The following CHST11 variants were observed in gnomAD, a reference collection of about 807,000 sequenced individuals.
CHST11 encodes the protein carbohydrate sulfotransferase 11.
Under a neutral mutation model 30.4 loss-of-function variants are expected in CHST11, and 9 were observed. The ratio of observed to expected loss-of-function variants is 0.30; its 90% confidence interval spans 0.18 to 0.52. CHST11 has a LOEUF of 0.52. Ranked by LOEUF, CHST11 falls within the 20% of genes least tolerant of loss-of-function variation. The pLI, the probability that CHST11 is intolerant of heterozygous loss-of-function variation, is 0.97. For missense variants in CHST11, 348 were observed against 460.6 expected (o/e 0.76, Z 2.24); for synonymous variants, 152 against 187.8 (o/e 0.81, Z 1.56).
chr12:104,615,018 C>G (rs950191908), intron 2 of CHST11, among the ~76,000 whole-genome samples: 7 of 152,188 alleles, frequency 4.6e-5, no homozygotes, highest in African/African-American at 1.7e-4. Context: ...CCCTGTATCT[C>G]TAGCTGATCC....
chr12:104,592,874 C>A (rs1393438108), intron 1 of CHST11, among the ~76,000 whole-genome samples: 1 of 152,170 alleles, frequency 6.6e-6, no homozygotes, highest in East Asian at 1.9e-4. Flanking sequence ...GGCCAGAATT[C>A]TCTAAAAGAG....
intron 1 of CHST11, among the ~76,000 whole-genome samples, chr12:104,520,290 T>G (rs2135987565): frequency 6.6e-6 from 1 of 152,294 alleles, no homozygotes; most frequent in East Asian, 1.9e-4. Context: ...ACATGCCACA[T>G]AAGCTAATGG....
chr12:104,556,980 CAAAAAAA>C (rs529711471), intron 1 of CHST11, among the ~76,000 whole-genome samples: 1 of 77,216 alleles, frequency 1.3e-5, no homozygotes, highest in Non-Finnish European at 2.7e-5. Context: ...GACTCTGTCT[CAAAAAAA>C]AAAAAAAAAA....
intron 1 of CHST11, among the ~76,000 whole-genome samples, chr12:104,480,812 G>A (rs546775989): frequency 6.6e-6 from 1 of 152,298 alleles, no homozygotes; most frequent in Non-Finnish European, 1.5e-5. Context: ...AGAGGGCATG[G>A]ATGGGCCTGC....
At chr12:104,752,505 CTTATTTATTTATTTAT>C (rs56136898) in intron 2 of CHST11, among the ~76,000 whole-genome samples, 50 of 149,558 alleles carry the variant, frequency 3.3e-4, no homozygotes, top group Admixed American at 2.7e-3. Flanking sequence ...AATTTATTTA[CTTATTTATTTATTTAT>C]TTATTTATTT....
chr12:104,510,629 G>C (rs2037955609), intron 1 of CHST11, among the ~76,000 whole-genome samples: 1 of 152,182 alleles, frequency 6.6e-6, no homozygotes, highest in Non-Finnish European at 1.5e-5. Context: ...GCTCCTCTTT[G>C]TGGAAACACT....
At chr12:104,685,604 T>C (rs1376788601) in intron 2 of CHST11, among the ~76,000 whole-genome samples, 1 of 152,226 alleles carries the variant, frequency 6.6e-6, no homozygotes, top group Non-Finnish European at 1.5e-5. Context: ...AGATGAACAC[T>C]TGCCTGTAGG....
intron 1 of CHST11, among the ~76,000 whole-genome samples, chr12:104,457,745 A>C (rs12299738): frequency 0.23 from 33,827 of 147,784 alleles, 5,496 homozygotes; most frequent in African/African-American, 0.47. Context: ...TCTTCTTCCT[A>C]CCGGCTCCGG....
chr12:104,602,150 T>TAGC (rs1249936760), intron 2 of CHST11, 159 bp downstream of exon 2: 4 of 613,434 alleles, frequency 6.5e-6, no homozygotes, highest in Non-Finnish European at 1.2e-5. Context: ...TTTTTCTATG[T>TAGC]AGCATCTCTG....
chr12:104,662,839 T>TATAA (rs1418736133), intron 2 of CHST11, among the ~76,000 whole-genome samples: 1 of 152,232 alleles, frequency 6.6e-6, no homozygotes, highest in African/African-American at 2.4e-5. Context: ...TTTTATAGCT[T>TATAA]CTTATTTTAA....
At chr12:104,659,754 C>T (rs1169454485) in intron 2 of CHST11, among the ~76,000 whole-genome samples, 2 of 152,180 alleles carry the variant, frequency 1.3e-5, no homozygotes, top group African/African-American at 2.4e-5. Flanking sequence ...TTGCTTGAGG[C>T]CAGAAGTTCG....
At chr12:104,567,482 C>T (rs953056425) in intron 1 of CHST11, among the ~76,000 whole-genome samples, 2 of 152,084 alleles carry the variant, frequency 1.3e-5, no homozygotes, top group Non-Finnish European at 2.9e-5. Flanking sequence ...CCTTTATTTC[C>T]TTTTGTCCTT....
At chr12:104,595,187 T>C (rs1000583027) in intron 1 of CHST11, among the ~76,000 whole-genome samples, 5 of 152,144 alleles carry the variant, frequency 3.3e-5, no homozygotes, top group African/African-American at 1.2e-4. Context: ...CCCACTGAGC[T>C]ACAGACTACC....
intron 1 of CHST11, among the ~76,000 whole-genome samples, chr12:104,482,217 C>T (rs77385502): frequency 0.12 from 17,700 of 151,324 alleles, 1,183 homozygotes; most frequent in East Asian, 0.29. Flanking sequence ...CTTCCTTTCG[C>T]CTTCCCCCAT....
At chr12:104,629,588 G>A (rs1240610568) in intron 2 of CHST11, among the ~76,000 whole-genome samples, 4 of 133,076 alleles carry the variant, frequency 3.0e-5, no homozygotes, top group Non-Finnish European at 5.1e-5. Flanking sequence ...TTGGGAGGCC[G>A]AGGCAGGCAG....
chr12:104,651,427 C>T (rs897615001), intron 2 of CHST11, among the ~76,000 whole-genome samples: 10 of 152,160 alleles, frequency 6.6e-5, no homozygotes, highest in Admixed American at 4.6e-4. Flanking sequence ...TCACTGCACA[C>T]CTCAACAGTG....
chr12:104,535,296 AG>A (rs1248555175), intron 1 of CHST11, among the ~76,000 whole-genome samples: 3 of 152,306 alleles, frequency 2.0e-5, no homozygotes, highest in East Asian at 3.9e-4. Flanking sequence ...TGAGACATTG[AG>A]GTCTGACGCT....
At chr12:104,704,284 G>A (rs544339051) in intron 2 of CHST11, among the ~76,000 whole-genome samples, 1 of 152,340 alleles carries the variant, frequency 6.6e-6, no homozygotes, top group South Asian at 2.1e-4. Flanking sequence ...TCCGTGCTCA[G>A]GGAGACCCAG....
intron 1 of CHST11, among the ~76,000 whole-genome samples, chr12:104,579,912 T>A (rs2038723132): frequency 6.6e-6 from 1 of 152,248 alleles, no homozygotes. Context: ...TGCTTCTGAA[T>A]CATCTGGGTT....
Sources: gnomAD v4.1 joint callset for allele counts (sites outside exome capture counted in the v4.1 genomes callset) on GRCh38, gnomAD v4.1.1 for gene constraint, MANE v1.5 for transcripts, NCBI Gene and HGNC (gene_info 2026-07-23, HGNC 2026-07-21) for gene names.